The following CNTN1 variants were observed in gnomAD, a reference collection of about 807,000 sequenced individuals.
The protein encoded by CNTN1 is contactin-1.
A neutral mutation model predicts 126.4 loss-of-function variants in CNTN1; 38 were observed. The ratio of observed to expected loss-of-function variants is 0.30; its 90% CI spans 0.23 to 0.39. The LOEUF (loss-of-function observed/expected upper bound fraction) is 0.39. CNTN1 is among the 10% of genes least tolerant of loss of function. CNTN1 has a pLI of 1.00. For synonymous variants in CNTN1, 413 were observed against 422.6 expected, an observed-to-expected ratio of 0.98 and a Z score of 0.28; for missense variants, 1,009 against 1,248.4, an observed-to-expected ratio of 0.81 and a Z score of 2.89.
chr12:40,744,301 AAAT>A (rs1938080144), intron 1 of CNTN1, among the ~76,000 whole-genome samples: 4 of 11,860 alleles, frequency 3.4e-4, no homozygotes, highest in Non-Finnish European at 8.6e-4. Flanking sequence ...AAATTAAATT[AAAT>A]AAAAAAAAAA....
At chr12:40,982,221 C>T (rs1299592250) in intron 16 of CNTN1, among the ~76,000 whole-genome samples, 1 of 152,088 alleles carries the variant, frequency 6.6e-6, no homozygotes, top group Non-Finnish European at 1.5e-5. Flanking sequence ...ATTTCCATTA[C>T]ATTATGCTTA....
chr12:41,000,314 C>T (rs1948324887), intron 17 of CNTN1, among the ~76,000 whole-genome samples: 1 of 152,048 alleles, frequency 6.6e-6, no homozygotes, highest in Non-Finnish European at 1.5e-5. Context: ...AAATTATTTG[C>T]CTGTGACTAC....
intron 1 of CNTN1, among the ~76,000 whole-genome samples, chr12:40,864,348 A>G (rs1943226933): frequency 6.6e-6 from 1 of 151,866 alleles, no homozygotes; most frequent in African/African-American, 2.4e-5. Context: ...TAATAACTTT[A>G]TTGAGATATT....
At position 40,773,692 on chromosome 12, in the gene CNTN1, TACAC is replaced by T. The variant is rs371261546; in HGVS notation, c.-77+81102_-77+81105del. 1.1e-3 allele frequency among the ~76,000 whole-genome samples: 11 copies of T among 10,412 alleles called. 1 individual carries two copies. The highest frequency in any genetic ancestry group is 2.6e-3 in the African/African-American group (10 of 3,878). 6.8% of individuals were successfully genotyped at this position (10,412 alleles called of 152,430 possible). The stretch of plus-strand genomic sequence containing the variant: ...ATATATACACATATATATATATATA[TACAC>T]ATATATATATATATATATACACATA... On this transcript the variant is annotated intron_variant, in intron 1 of 23. Coordinates refer to ENST00000551295, the MANE Select transcript of CNTN1 (RefSeq NM_001843.4).
chr12:40,841,365 T>C (rs1942273631), intron 1 of CNTN1, among the ~76,000 whole-genome samples: 1 of 152,018 alleles, frequency 6.6e-6, no homozygotes, highest in South Asian at 2.1e-4. Flanking sequence ...AAAGAAGAAC[T>C]AATAACTACC....
rs74076973 is a variant in CNTN1, at chr12:41,065,939, G to A, written c.2981-4020G>A. 3.1e-3 allele frequency among the ~76,000 whole-genome samples: 473 copies of A among 152,282 alleles called. 2 individuals are homozygous for A. Among genetic ancestry groups the A allele is most frequent in the African/African-American group, 0.011 (461 of 41,564 alleles). ...GTTTTTACTCTTTCAGTTCTCAAAC[G>A]TGCTGTCCCAGCAGGAGTTTTATTG... On this transcript the variant is annotated intron_variant, in intron 23 of 23. Coordinates refer to ENST00000551295, the MANE Select transcript of CNTN1 (RefSeq NM_001843.4).
intron 1 of CNTN1, among the ~76,000 whole-genome samples, chr12:40,812,977 A>G (rs1565772608): frequency 6.9e-6 from 1 of 145,848 alleles, no homozygotes; most frequent in East Asian, 2.0e-4. Context: ...TTGAAAATCA[A>G]TTCCTTCCTT....
intron 23 of CNTN1, among the ~76,000 whole-genome samples, chr12:41,064,038 G>A (rs1266873023): frequency 6.6e-6 from 1 of 152,084 alleles, no homozygotes; most frequent in Admixed American, 6.5e-5. Context: ...GCCGGGCATG[G>A]TGGCGGGCGC....
chr12:40,820,675 A>G (rs1410320828), intron 1 of CNTN1, among the ~76,000 whole-genome samples: 1 of 152,116 alleles, frequency 6.6e-6, no homozygotes, highest in Non-Finnish European at 1.5e-5. Context: ...GGTTGTTCAC[A>G]GTGGCAATGG....
intron 1 of CNTN1, among the ~76,000 whole-genome samples, chr12:40,856,608 A>G (rs1175864027): frequency 6.6e-6 from 1 of 152,098 alleles, no homozygotes; most frequent in Non-Finnish European, 1.5e-5. Flanking sequence ...ATTTTGAGGG[A>G]TAGTGAATTA....
At chr12:40,746,490 T>G (rs1050818064) in intron 1 of CNTN1, among the ~76,000 whole-genome samples, 4 of 152,024 alleles carry the variant, frequency 2.6e-5, no homozygotes, top group Admixed American at 2.6e-4. Flanking sequence ...GAGTAAAAGT[T>G]TATTTAAAAG....
intron 17 of CNTN1, among the ~76,000 whole-genome samples, chr12:41,009,173 C>G (rs573330530): frequency 3.3e-5 from 5 of 152,232 alleles, no homozygotes; most frequent in Non-Finnish European, 7.3e-5. Flanking sequence ...CAGTCATATT[C>G]AGGTCCTCCA....
intron 1 of CNTN1, among the ~76,000 whole-genome samples, chr12:40,846,164 A>G (rs1365729686): frequency 1.3e-5 from 2 of 152,182 alleles, no homozygotes; most frequent in East Asian, 3.9e-4. Flanking sequence ...CCAGTAATTA[A>G]TAAATAAATG....
At chr12:40,858,841 G>A (rs1943014121) in intron 1 of CNTN1, among the ~76,000 whole-genome samples, 1 of 152,066 alleles carries the variant, frequency 6.6e-6, no homozygotes, top group African/African-American at 2.4e-5. Context: ...CATGGATAGA[G>A]CTGTAAGCCA....
chr12:40,698,879 T>G (rs1043810643), intron 1 of CNTN1, among the ~76,000 whole-genome samples: 1 of 152,216 alleles, frequency 6.6e-6, no homozygotes, highest in Non-Finnish European at 1.5e-5. Flanking sequence ...GTCAATCAAC[T>G]GAACGGTTTG....
At chr12:41,032,079 G>A (rs1427218229) in intron 23 of CNTN1, among the ~76,000 whole-genome samples, 1 of 152,038 alleles carries the variant, frequency 6.6e-6, no homozygotes, top group East Asian at 1.9e-4. Flanking sequence ...CTACAATACA[G>A]CAATCACAGT....
At chr12:40,735,629 T>C (rs1937637069) in intron 1 of CNTN1, among the ~76,000 whole-genome samples, 2 of 152,026 alleles carry the variant, frequency 1.3e-5, no homozygotes, top group African/African-American at 4.8e-5. Flanking sequence ...ACAAGAAAAA[T>C]GTAAACCATG....
At chr12:40,874,515 A>G (rs570337646) in intron 1 of CNTN1, among the ~76,000 whole-genome samples, 1 of 152,234 alleles carries the variant, frequency 6.6e-6, no homozygotes, top group Non-Finnish European at 1.5e-5. Context: ...ATATATAGAA[A>G]CATTTTCAAA....
At chr12:40,945,515 A>G (rs1760989356) in intron 14 of CNTN1, among the ~76,000 whole-genome samples, 1 of 152,082 alleles carries the variant, frequency 6.6e-6, no homozygotes, top group Non-Finnish European at 1.5e-5. Context: ...CATAGTTTAT[A>G]AAGTAGTAAC....
Sources: gnomAD v4.1 joint callset for allele counts (sites outside exome capture counted in the v4.1 genomes callset) on GRCh38, gnomAD v4.1.1 for gene constraint, MANE v1.5 for transcripts, NCBI Gene and HGNC (gene_info 2026-07-23, HGNC 2026-07-21) for gene names.